SKAP1: variants seen among roughly 807,000 people sequenced by gnomAD.
SKAP1 encodes src kinase associated phosphoprotein 1.
SKAP1 carries 44 observed loss-of-function variants against 58.5 expected under a neutral mutation model. The ratio of observed to expected loss-of-function variants is 0.75; its 90% CI spans 0.59 to 0.97. The LOEUF (loss-of-function observed/expected upper bound fraction) is 0.97. Ranked by LOEUF, SKAP1 falls within the 50% of genes least tolerant of loss-of-function variation. The pLI, the probability that SKAP1 is intolerant of heterozygous loss-of-function variation, is 0.00. For synonymous variants in SKAP1, 127 were observed against 149.7 expected (o/e 0.85, Z 1.11); for missense variants, 390 against 435.2 (o/e 0.90, Z 0.92).
At chr17:48,364,804 T>G (rs920320857) in intron 2 of SKAP1, among the ~76,000 whole-genome samples, 2 of 152,250 alleles carry the variant, frequency 1.3e-5, no homozygotes, top group Admixed American at 1.3e-4. Flanking sequence ...ATGGGGCTCT[T>G]GCAGTTCATT....
At chr17:48,442,827 A>G in the SKAP1 span, among the ~76,000 whole-genome samples, 1 of 152,196 alleles carries the variant, frequency 6.6e-6, no homozygotes, top group East Asian at 1.9e-4. Flanking sequence ...CCCTAAAACC[A>G]GTGATGTCAT....
intron 1 of SKAP1, among the ~76,000 whole-genome samples, chr17:48,412,732 T>C (rs1003516148): frequency 6.6e-6 from 1 of 152,182 alleles, no homozygotes; most frequent in African/African-American, 2.4e-5. Context: ...ATAAGTAAAA[T>C]AGCCTATGTA....
rs766735166 is a variant in SKAP1, at chr17:48,189,447, C to T, written c.334G>A (p.Gly112Arg). ...CCTTTGCTTTTCTTCTCCAAGTATC[C>T]TTGCTTGATTACGTTATCAAGTTCT... ...AQELDNVIKQ[G>R]YLEKKSKDHS... Residue 112 changes from glycine (G) to arginine (R), a missense_variant, in exon 5 of 13, where the codon GGA becomes AGA. Physicochemically the swap from Gly to Arg is moderately radical, Grantham distance 125. Coordinates refer to ENST00000336915, the MANE Select transcript of SKAP1 (RefSeq NM_003726.4). 6.2e-7 allele frequency: 1 copy of T among 1,613,284 alleles called. No individual in the cohort carries two copies. Among genetic ancestry groups the T allele is most frequent in the African/African-American group, 1.3e-5 (1 of 74,898 alleles).
At chr17:48,315,892 C>G (rs1213566041) in intron 4 of SKAP1, among the ~76,000 whole-genome samples, 4 of 152,038 alleles carry the variant, frequency 2.6e-5, no homozygotes, top group African/African-American at 9.7e-5. Context: ...ATCCCATCCC[C>G]AAGATATTTC....
chr17:48,307,642 T>C (rs1489605329), intron 4 of SKAP1: 1 of 152,228 alleles, frequency 6.6e-6, no homozygotes, highest in African/African-American at 2.4e-5. Flanking sequence ...GCTTTTTCTG[T>C]GCTTTAGAAA....
Position 48,189,477 on chromosome 17 carries a change from C to A in SKAP1, c.304G>T (p.Ala102Ser). ...DEGMEDIVKG[A>S]QELDNVIKQG... is the part of the protein sequence containing the mutation. ...TTGATTACGTTATCAAGTTCTTGAG[C>A]TCCTTTTACGATGTCTTCCATTCCT... The change falls in exon 5 of 13, where the codon GCT (alanine) becomes TCT (serine). Residue 102 changes from alanine (A) to serine (S), a missense_variant. Physicochemically the swap from Ala to Ser is moderately conservative, Grantham distance 99. Coordinates refer to ENST00000336915, the MANE Select transcript of SKAP1 (RefSeq NM_003726.4). The A allele has an allele frequency of 6.2e-7, 1 of 1,613,448 alleles. No individual in the cohort carries two copies. Among genetic ancestry groups the A allele is most frequent in the Non-Finnish European group, 8.5e-7 (1 of 1,179,838 alleles).
At chr17:48,226,428 G>A (rs554684518) in intron 4 of SKAP1, among the ~76,000 whole-genome samples, 4 of 151,786 alleles carry the variant, frequency 2.6e-5, no homozygotes, top group African/African-American at 9.7e-5. Context: ...AGGCACTATT[G>A]TAGGTAAGTT....
chr17:48,235,394 A>AC (rs2065169151), intron 4 of SKAP1, among the ~76,000 whole-genome samples: 1 of 152,140 alleles, frequency 6.6e-6, no homozygotes, highest in Non-Finnish European at 1.5e-5. Flanking sequence ...AACTTGCTAG[A>AC]CAACTATCAA....
chr17:48,430,945 G>T (rs1567911806), upstream of SKAP1, among the ~76,000 whole-genome samples: 1 of 152,212 alleles, frequency 6.6e-6, no homozygotes, highest in Non-Finnish European at 1.5e-5. Flanking sequence ...TCAGTGTCCT[G>T]GTTGTGACAT....
intron 4 of SKAP1, among the ~76,000 whole-genome samples, chr17:48,254,437 C>G (rs949855127): frequency 6.6e-6 from 1 of 151,944 alleles, no homozygotes; most frequent in East Asian, 1.9e-4. Flanking sequence ...GAAATTTAAA[C>G]TAGTTTCTTG....
At chr17:48,409,010 C>A (rs952760132) in intron 1 of SKAP1, among the ~76,000 whole-genome samples, 15 of 152,160 alleles carry the variant, frequency 9.9e-5, no homozygotes, top group Non-Finnish European at 1.8e-4. Context: ...AAGTGACCAA[C>A]CTTTTTAAAA....
At chr17:48,137,191 T>C in intron 12 of SKAP1, 38 bp downstream of exon 12, 1 of 1,320,030 alleles carries the variant, frequency 7.6e-7, no homozygotes, top group Non-Finnish European at 1.1e-6. Flanking sequence ...CAAGTTCCAC[T>C]CAACTATTAG....
intron 1 of SKAP1, among the ~76,000 whole-genome samples, chr17:48,411,556 G>A (rs1436086580): frequency 6.6e-6 from 1 of 152,124 alleles, no homozygotes; most frequent in Admixed American, 6.5e-5. Context: ...CATAGCAACT[G>A]TCTTCCAAAG....
At chr17:48,431,351 T>G (rs2144636952), upstream of SKAP1, among the ~76,000 whole-genome samples, 1 of 152,204 alleles carries the variant, frequency 6.6e-6, no homozygotes, top group East Asian at 1.9e-4. Flanking sequence ...AGTGTGCATG[T>G]GAGTGTTTAA....
At chr17:48,182,339 C>T (rs2063491991) in intron 8 of SKAP1, 55 bp downstream of exon 8, 3 of 1,286,662 alleles carry the variant, frequency 2.3e-6, no homozygotes, top group South Asian at 1.3e-5. Flanking sequence ...ATTTATGCAA[C>T]ATAACTTCAA....
At chr17:48,140,841 T>A (rs1205307007) in intron 11 of SKAP1, among the ~76,000 whole-genome samples, 3 of 151,002 alleles carry the variant, frequency 2.0e-5, no homozygotes, top group Non-Finnish European at 4.4e-5. Context: ...TGCAGTGGTG[T>A]GATCTCATGA....
intron 4 of SKAP1, among the ~76,000 whole-genome samples, chr17:48,211,164 G>T (rs993445283): frequency 2.6e-5 from 4 of 152,108 alleles, no homozygotes; most frequent in Admixed American, 2.6e-4. Flanking sequence ...TATCTGGGCT[G>T]GGTGCAGTGG....
intron 4 of SKAP1, among the ~76,000 whole-genome samples, chr17:48,345,363 T>C (rs1267445095): frequency 6.6e-6 from 1 of 152,228 alleles, no homozygotes; most frequent in Admixed American, 6.5e-5. Flanking sequence ...AAATTGATGC[T>C]CTAGGAAGAT....
At chr17:48,139,445 T>C (rs1017405068) in intron 11 of SKAP1, among the ~76,000 whole-genome samples, 2 of 152,066 alleles carry the variant, frequency 1.3e-5, no homozygotes, top group Non-Finnish European at 2.9e-5. Context: ...CCTCCCAAAG[T>C]ACTGGGATTA....
Sources: gnomAD v4.1 joint callset for allele counts (sites outside exome capture counted in the v4.1 genomes callset) on GRCh38, gnomAD v4.1.1 for gene constraint, MANE v1.5 for transcripts, NCBI Gene and HGNC (gene_info 2026-07-23, HGNC 2026-07-21) for gene names.